The following ASAH1 variants were observed in gnomAD, a reference collection of about 807,000 sequenced individuals.
ASAH1 encodes the protein N-acylsphingosine amidohydrolase 1, also known as acid ceramidase.
Under a neutral mutation model 59.5 loss-of-function variants are expected in ASAH1, and 70 were observed. That is an observed-to-expected ratio of 1.18 (90% CI 0.97 to 1.43). The LOEUF is 1.43. Ranked by LOEUF, ASAH1 falls within the 40% of genes most tolerant of loss-of-function variation. The probability of loss-of-function intolerance (pLI) is 0.00; values close to 1 mark genes in which losing one functional copy is unlikely to be tolerated. For missense variants in ASAH1, 660 were observed against 482.5 expected, an observed-to-expected ratio of 1.37 and a Z score of -3.45; for synonymous variants, 213 against 166.5, an observed-to-expected ratio of 1.28 and a Z score of -2.15.
At chr8:18,063,026 T>G in intron 7 of ASAH1, 159 bp downstream of exon 7, 1 of 669,014 alleles carries the variant, frequency 1.5e-6, no homozygotes, top group East Asian at 2.8e-5. Context: ...CCCACCACCA[T>G]GCCTGGCTAA....
intron 5 of ASAH1, chr8:18,064,733 C>G: frequency 1.8e-6 from 1 of 551,516 alleles, no homozygotes; most frequent in Non-Finnish European, 3.2e-6. Context: ...ACCAAGGAGG[C>G]AGCCTTCGGG....
In ASAH1 at chr8:18,084,100, C is replaced by G. The variant is rs776255984; in HGVS notation, c.-42G>C. 6 of 1,595,678 alleles carry G rather than the reference C, an allele frequency of 3.8e-6. No individual in the cohort carries two copies. The highest frequency in any genetic ancestry group is 1.1e-5 in the South Asian group (1 of 90,826). On this transcript the variant is annotated 5_prime_UTR_variant, in exon 1 of 14. Coordinates refer to ENST00000637790, the MANE Select transcript of ASAH1 (RefSeq NM_177924.5). ...GCCACTCCCCGGACTCCAGCAGAGG[C>G]AAAGAAGAGCCGGCTGGGCCGGGGG...
At chr8:18,084,506 C>T, upstream of ASAH1, 4 of 1,353,198 alleles carry the variant, frequency 3.0e-6, no homozygotes, top group Non-Finnish European at 4.0e-6. Context: ...AGAGTCTCAA[C>T]ACTAATGTAA....
At chr8:18,082,899 G>C (rs1800715335) in intron 1 of ASAH1, among the ~76,000 whole-genome samples, 1 of 150,496 alleles carries the variant, frequency 6.6e-6, no homozygotes, top group Non-Finnish European at 1.5e-5. Context: ...ACCCACAATG[G>C]AGCAATTTTA....
chr8:18,070,871 A>C (rs937740764), intron 3 of ASAH1, among the ~76,000 whole-genome samples: 2 of 152,224 alleles, frequency 1.3e-5, no homozygotes, highest in Admixed American at 1.3e-4. Flanking sequence ...AAAAGATTTA[A>C]TATAGAATCT....
chr8:18,058,422 T>G (rs373758116), intron 13 of ASAH1: 1 of 175,438 alleles, frequency 5.7e-6, no homozygotes, highest in Non-Finnish European at 1.2e-5. Flanking sequence ...AAAACTACAG[T>G]GTAGGGAAAA....
rs1438960599 is a variant in ASAH1 at position 18,056,790 on chromosome 8, CAG to C, written c.*742_*743del. The C allele has an allele frequency of 1.3e-5, 2 of 151,264 alleles. No homozygotes were observed. The highest frequency in any genetic ancestry group is 6.6e-5 in the Admixed American group (1 of 15,128). The allele number at this position is 151,264 out of a possible 1,614,324, so 9.4% of individuals were successfully genotyped here. On this transcript the variant is annotated 3_prime_UTR_variant, in exon 14 of 14. Transcript: ENST00000637790. The stretch of plus-strand genomic sequence containing the variant: ...TTGACTTGTTTATTTACTAAATTAA[CAG>C]AACGTGGGATGCAGTTTTTTAAGTT...
chr8:18,083,908 C>A, intron 1 of ASAH1, 73 bp downstream of exon 1: 1 of 1,545,876 alleles, frequency 6.5e-7, no homozygotes, highest in East Asian at 2.4e-5. Context: ...CCCGCTCGCG[C>A]CGCCACACCT....
intron 1 of ASAH1, 95 bp downstream of exon 1, chr8:18,083,886 G>A (rs1800770364): frequency 1.3e-6 from 2 of 1,534,592 alleles, no homozygotes; most frequent in Non-Finnish European, 1.7e-6. Flanking sequence ...CCAGCACGAG[G>A]TGTTCCTTGT....
intron 4 of ASAH1, chr8:18,068,567 T>C (rs1456643837): frequency 1.3e-5 from 2 of 152,278 alleles, no homozygotes; most frequent in African/African-American, 4.8e-5. Flanking sequence ...GCAATGATTC[T>C]CGACCACGGG....
At chr8:18,068,276 T>C (rs1800014627) in intron 4 of ASAH1, 1 of 152,208 alleles carries the variant, frequency 6.6e-6, no homozygotes, top group South Asian at 2.1e-4. Flanking sequence ...AAACCCAGTA[T>C]TGTCCGATTC....
intron 1 of ASAH1, chr8:18,076,401 C>T (rs1485936381): frequency 6.6e-6 from 1 of 152,238 alleles, no homozygotes; most frequent in Non-Finnish European, 1.5e-5. Flanking sequence ...GCCCCCAACA[C>T]TGACGTCACT....
intron 1 of ASAH1, among the ~76,000 whole-genome samples, chr8:18,080,658 A>C (rs1800614807): frequency 6.6e-6 from 1 of 152,184 alleles, no homozygotes; most frequent in Admixed American, 6.5e-5. Flanking sequence ...CCCAGGTTCA[A>C]GCAATTCTCC....
rs763391097 is a variant in ASAH1, at chr8:18,058,900, C to T, written c.1042-9G>A. On this transcript the variant is annotated splice_polypyrimidine_tract_variant and intron_variant, in intron 12 of 13. Coordinates refer to ENST00000637790, the MANE Select transcript of ASAH1 (RefSeq NM_177924.5). ...GTTTCAAATGAGATATTCTAAAACA[C>T]AAGAAAATAGTTTTGTTCAGTAAGT... 4.3e-6 allele frequency: 7 copies of T among 1,609,808 alleles called. No individual in the cohort carries two copies. The highest frequency in any genetic ancestry group is 1.1e-5 in the South Asian group (1 of 91,008).
At position 18,057,652 on chromosome 8, in the gene ASAH1, G is replaced by T. The variant is rs762061151; in HGVS notation, c.1099-29C>A. On this transcript the variant is annotated intron_variant, in intron 13 of 13. Transcript: ENST00000637790. ...AAAGAAAAGTTATTTTTACTTTAAG[G>T]ACGTTTTCAATTCAGAGATGTTCTG... The T allele has an allele frequency of 4.9e-5, 74 of 1,516,764 alleles. 1 individual carries two copies. The highest frequency in any genetic ancestry group is 6.5e-5 in the Non-Finnish European group (72 of 1,106,564). 94.0% of individuals were successfully genotyped at this position (1,516,764 alleles called of 1,614,324 possible).
chr8:18,076,382 G>A (rs1354555461), intron 1 of ASAH1: 2 of 152,240 alleles, frequency 1.3e-5, no homozygotes, highest in Non-Finnish European at 2.9e-5. Context: ...GCTCCTTGAG[G>A]TGAGGACGGC....
intron 1 of ASAH1, among the ~76,000 whole-genome samples, chr8:18,082,203 T>C (rs566336201): frequency 6.6e-6 from 1 of 152,240 alleles, no homozygotes; most frequent in Non-Finnish European, 1.5e-5. Context: ...CTGTTCTAGA[T>C]AAGAACTATT....
At chr8:18,079,271 T>G (rs945724226) in intron 1 of ASAH1, among the ~76,000 whole-genome samples, 5 of 100,648 alleles carry the variant, frequency 5.0e-5, no homozygotes, top group African/African-American at 1.8e-4. Flanking sequence ...AGACTCCATC[T>G]CAGAAAAAAA....
At chr8:18,062,700 G>A (rs1799756333) in intron 7 of ASAH1, 2 of 454,046 alleles carry the variant, frequency 4.4e-6, no homozygotes, top group Non-Finnish European at 8.1e-6. Context: ...TATTTTTTCA[G>A]AAAGGTCAAG....
Sources: allele counts gnomAD v4.1 joint callset (sites outside exome capture counted in the v4.1 genomes callset), GRCh38; gene constraint gnomAD v4.1.1; transcripts MANE v1.5; gene names NCBI Gene and HGNC (gene_info 2026-07-23, HGNC 2026-07-21).